GHR: variants seen among roughly 807,000 people sequenced by gnomAD.
GHR encodes GH receptor.
A neutral mutation model predicts 67.1 loss-of-function variants in GHR; 35 were observed. The ratio of observed to expected loss-of-function variants is 0.52; its 90% confidence interval spans 0.40 to 0.69. The LOEUF is 0.69. GHR is among the 30% of genes least tolerant of loss of function. The pLI, the probability that GHR is intolerant of heterozygous loss-of-function variation, is 0.00. For synonymous variants in GHR, 272 were observed against 269.1 expected, an observed-to-expected ratio of 1.01 and a Z score of -0.10; for missense variants, 792 against 764.6, an observed-to-expected ratio of 1.04 and a Z score of -0.42.
intron 1 of GHR, among the ~76,000 whole-genome samples, chr5:42,470,091 A>G (rs1038039653): frequency 2.8e-5 from 4 of 144,384 alleles, no homozygotes; most frequent in African/African-American, 1.0e-4. Context: ...ATAACATATT[A>G]TATTATATGT....
chr5:42,697,856 G>C (rs528084493), intron 5 of GHR, among the ~76,000 whole-genome samples: 20 of 152,266 alleles, frequency 1.3e-4, no homozygotes, highest in Non-Finnish European at 2.4e-4. Flanking sequence ...AAAGACCAAA[G>C]GGGTACAGTG....
intron 1 of GHR, among the ~76,000 whole-genome samples, chr5:42,504,053 A>C (rs541144274): frequency 6.6e-6 from 1 of 152,254 alleles, no homozygotes; most frequent in South Asian, 2.1e-4. Context: ...ATTTTTTTTA[A>C]AGTGTCAGAC....
intron 3 of GHR, among the ~76,000 whole-genome samples, chr5:42,650,758 A>G (rs1275471750): frequency 2.6e-5 from 4 of 152,078 alleles, no homozygotes; most frequent in African/African-American, 9.7e-5. Flanking sequence ...GAAGCACATG[A>G]TTGTTATAAT....
At chr5:42,690,728 A>C (rs766585265) in intron 4 of GHR, among the ~76,000 whole-genome samples, 88 of 152,310 alleles carry the variant, frequency 5.8e-4, no homozygotes, top group Non-Finnish European at 7.2e-4. Context: ...AAGTGAAGTG[A>C]AGATGAAATG....
At chr5:42,464,450 G>A (rs1744640267) in intron 1 of GHR, among the ~76,000 whole-genome samples, 2 of 150,578 alleles carry the variant, frequency 1.3e-5, no homozygotes, top group South Asian at 2.1e-4. Context: ...TGGATGCACG[G>A]TGTGAATGAG....
At chr5:42,686,081 C>T (rs773602843) in intron 3 of GHR, among the ~76,000 whole-genome samples, 10 of 152,114 alleles carry the variant, frequency 6.6e-5, no homozygotes, top group Admixed American at 2.6e-4. Context: ...TTGGGTCTTA[C>T]GTTTAAGTCT....
intron 1 of GHR, among the ~76,000 whole-genome samples, chr5:42,552,992 G>A (rs1254120717): frequency 6.6e-6 from 1 of 152,182 alleles, no homozygotes; most frequent in African/African-American, 2.4e-5. Context: ...AAAATTGCTA[G>A]ACATTGCAAA....
At chr5:42,508,825 C>A in intron 1 of GHR, among the ~76,000 whole-genome samples, 2 of 152,306 alleles carry the variant, frequency 1.3e-5, no homozygotes, top group Admixed American at 1.3e-4. Context: ...CCACCCGGCT[C>A]GGCCTCCCAA....
At chr5:42,463,432 T>C (rs996725370) in intron 1 of GHR, among the ~76,000 whole-genome samples, 3 of 152,214 alleles carry the variant, frequency 2.0e-5, no homozygotes, top group Non-Finnish European at 4.4e-5. Context: ...AGTCCTGAAT[T>C]GATTAGCAGC....
rs138386131 is a variant in GHR at position 42,583,878 on chromosome 5, G to GATATATATATATATATATATAT, written c.70+17953_70+17954insTATATATATATATATATATATA. Among the ~76,000 whole-genome samples the GATATATATATATATATATATAT allele has an allele frequency of 7.9e-5, 11 of 138,974 alleles. No homozygotes were observed. In the East Asian group the frequency reaches 9.0e-4, roughly 11 times the overall value. The allele number at this position is 138,974 out of a possible 152,430, so 91.2% of individuals were successfully genotyped here. On this transcript the variant is annotated intron_variant, in intron 2 of 9. Transcript: ENST00000230882. ...AAAGATATATATATCTTTAAATAAA[G>GATATATATATATATATATATAT]ATATATATATATATATATAAATTCT...
intron 1 of GHR, among the ~76,000 whole-genome samples, chr5:42,459,671 G>GA (rs75326296): frequency 1.3e-5 from 2 of 150,828 alleles, no homozygotes; most frequent in South Asian, 2.1e-4. Context: ...AAAGTTAAAA[G>GA]AAAAAAAAAT....
chr5:42,435,410 G>A (rs1743280612), intron 1 of GHR, among the ~76,000 whole-genome samples: 1 of 152,200 alleles, frequency 6.6e-6, no homozygotes, highest in African/African-American at 2.4e-5. Context: ...CCTGGGTAGA[G>A]AAGTTTTTCA....
At chr5:42,571,735 C>T (rs1215509893) in intron 2 of GHR, among the ~76,000 whole-genome samples, 1 of 152,194 alleles carries the variant, frequency 6.6e-6, no homozygotes, top group South Asian at 2.1e-4. Flanking sequence ...GGTCTTCCGC[C>T]TTAGATGCCA....
At chr5:42,588,433 T>C (rs1751597401) in intron 2 of GHR, among the ~76,000 whole-genome samples, 1 of 146,388 alleles carries the variant, frequency 6.8e-6, no homozygotes, top group Admixed American at 7.2e-5. Context: ...AGCAGGAGAA[T>C]CGCTTGAACC....
At chr5:42,539,482 G>A (rs1303351908) in intron 1 of GHR, among the ~76,000 whole-genome samples, 2 of 152,200 alleles carry the variant, frequency 1.3e-5, no homozygotes, top group East Asian at 3.9e-4. Context: ...GCTCTGAGCT[G>A]GTACTGAGGG....
rs116268253 is a variant in GHR at position 42,548,440 on chromosome 5, A to T, written c.-11-17424A>T. 564 of 985,146 alleles carry T rather than the reference A, an allele frequency of 5.7e-4. 8 individuals carry two copies. In the African/African-American group the frequency reaches 9.5e-3, roughly 17 times the overall value. 61.0% of individuals were successfully genotyped at this position (985,146 alleles called of 1,614,324 possible). On this transcript the variant is annotated intron_variant, in intron 1 of 9. Transcript: ENST00000230882. ...CTGCTTGCATATATGAGTGAAAGAA[A>T]AAGGAAATTTAAAAAGTTCTTGATA...
At chr5:42,665,347 C>T (rs1304105778) in intron 3 of GHR, among the ~76,000 whole-genome samples, 1 of 152,250 alleles carries the variant, frequency 6.6e-6, no homozygotes, top group Middle Eastern at 3.4e-3. Context: ...GGAACCAACC[C>T]GAATGTCCAA....
At chr5:42,613,980 C>T (rs1753014226) in intron 2 of GHR, among the ~76,000 whole-genome samples, 1 of 152,112 alleles carries the variant, frequency 6.6e-6, no homozygotes, top group Non-Finnish European at 1.5e-5. Flanking sequence ...TACCCTGGCT[C>T]AAAGGACATT....
chr5:42,643,055 C>T (rs1416220057), intron 3 of GHR, among the ~76,000 whole-genome samples: 2 of 152,104 alleles, frequency 1.3e-5, no homozygotes, highest in African/African-American at 4.8e-5. Flanking sequence ...CTTTTTCCAA[C>T]TAAAGTCATA....
Sources: gnomAD v4.1 joint callset for allele counts (sites outside exome capture counted in the v4.1 genomes callset) on GRCh38, gnomAD v4.1.1 for gene constraint, MANE v1.5 for transcripts, NCBI Gene and HGNC (gene_info 2026-07-23, HGNC 2026-07-21) for gene names.